Variants in GTF2F2 observed in about 807,000 individuals in gnomAD.
GTF2F2 encodes the protein ATP-dependent helicase GTF2F2.
A neutral mutation model predicts 42.2 loss-of-function variants in GTF2F2; 23 were observed. The ratio of observed to expected loss-of-function variants is 0.55; its 90% CI spans 0.39 to 0.77. The LOEUF is 0.77. Among genes scored for constraint, GTF2F2 ranks in the 30% least tolerant of loss-of-function variants. GTF2F2 has a pLI of 0.00. For missense variants in GTF2F2, 261 were observed against 287.2 expected (o/e 0.91, Z 0.66); for synonymous variants, 105 against 100.8 (o/e 1.04, Z -0.25).
chr13:45,205,252 G>A (rs1314745583), intron 4 of GTF2F2, among the ~76,000 whole-genome samples: 2 of 152,162 alleles, frequency 1.3e-5, no homozygotes, highest in Non-Finnish European at 2.9e-5. Context: ...AAAGCAAAGG[G>A]GAAGCAGGCA....
intron 2 of GTF2F2, among the ~76,000 whole-genome samples, chr13:45,144,574 T>A (rs1009408490): frequency 6.7e-6 from 1 of 150,216 alleles, no homozygotes; most frequent in African/African-American, 2.4e-5. Context: ...CCCGAGTAGC[T>A]GGGACTACAG....
At chr13:45,180,475 A>G (rs957606461) in intron 4 of GTF2F2, among the ~76,000 whole-genome samples, 84 of 152,176 alleles carry the variant, frequency 5.5e-4, no homozygotes, top group African/African-American at 2.0e-3. Context: ...ATCTTCCTCA[A>G]AGCAAAGTTT....
chr13:45,222,089 C>G (rs532282844), intron 5 of GTF2F2, among the ~76,000 whole-genome samples: 82 of 152,282 alleles, frequency 5.4e-4, no homozygotes, highest in African/African-American at 1.9e-3. Flanking sequence ...TGACATTACT[C>G]AGGTTTATTG....
At position 45,129,729 on chromosome 13, in the gene GTF2F2, ATACGTTCTAATTAGAT is replaced by A. The variant is rs147692616; in HGVS notation, c.67-6992_67-6977del. ...AAAATTACAATATCTGCCTATTCAG[ATACGTTCTAATTAGAT>A]TACGTTCTAATGAGGAGGGAGAATA... On this transcript the variant is annotated intron_variant, in intron 1 of 7. Coordinates refer to ENST00000340473, the MANE Select transcript of GTF2F2 (RefSeq NM_004128.3). Among the ~76,000 whole-genome samples, 543 of 152,348 alleles carry A rather than the reference ATACGTTCTAATTAGAT, an allele frequency of 3.6e-3. 1 individual carries two copies. Among genetic ancestry groups the A allele is most frequent in the African/African-American group, 0.012 (514 of 41,586 alleles).
intron 4 of GTF2F2, among the ~76,000 whole-genome samples, chr13:45,183,060 C>T (rs1367448170): frequency 2.0e-5 from 3 of 152,060 alleles, no homozygotes. Context: ...GGTTCATGTC[C>T]TTTGTCAAGT....
rs372901327 is a variant in GTF2F2, at chr13:45,228,283, C to CTTT, written c.386+20792_386+20794dup. 2.8e-4 allele frequency among the ~76,000 whole-genome samples: 26 copies of CTTT among 92,716 alleles called. 1 individual carries two copies. Among genetic ancestry groups the CTTT allele is most frequent in the Non-Finnish European group, 4.2e-4 (20 of 47,402 alleles). 60.8% of individuals were successfully genotyped at this position (92,716 alleles called of 152,430 possible). On this transcript the variant is annotated intron_variant, in intron 5 of 7. Transcript: ENST00000340473. ...TTTCCTTATTGCTGCCAGAGTTAAT[C>CTTT]TTTTTTTTTTTTTTTTGGAGACGGA...
intron 7 of GTF2F2, among the ~76,000 whole-genome samples, chr13:45,273,173 G>A (rs78397181): frequency 0.029 from 4,335 of 151,532 alleles, 191 homozygotes; most frequent in African/African-American, 0.093. Context: ...TGATCCACCC[G>A]CCTCTGCCTC....
At chr13:45,220,039 TTG>T (rs1874045027) in intron 5 of GTF2F2, among the ~76,000 whole-genome samples, 1 of 152,200 alleles carries the variant, frequency 6.6e-6, no homozygotes, top group Non-Finnish European at 1.5e-5. Flanking sequence ...AAGACCTTTT[TTG>T]TCTGATTCAT....
intron 7 of GTF2F2, among the ~76,000 whole-genome samples, chr13:45,270,146 T>C (rs570133828): frequency 6.6e-6 from 1 of 152,134 alleles, no homozygotes; most frequent in Non-Finnish European, 1.5e-5. Context: ...TTCATTTCTA[T>C]AAGTAAAATT....
chr13:45,168,297 T>C (rs976457989), intron 4 of GTF2F2, among the ~76,000 whole-genome samples: 1 of 152,230 alleles, frequency 6.6e-6, no homozygotes, highest in Non-Finnish European at 1.5e-5. Context: ...CTTTTACATC[T>C]CGGCACCTTT....
At chr13:45,228,090 G>T (rs894213260) in intron 5 of GTF2F2, among the ~76,000 whole-genome samples, 2 of 151,026 alleles carry the variant, frequency 1.3e-5, no homozygotes, top group Non-Finnish European at 2.9e-5. Context: ...CCTGACATTG[G>T]GCCAGACTTA....
At chr13:45,132,324 G>A (rs1229551805) in intron 1 of GTF2F2, among the ~76,000 whole-genome samples, 1 of 152,130 alleles carries the variant, frequency 6.6e-6, no homozygotes, top group Non-Finnish European at 1.5e-5. Context: ...TTTGACTGGG[G>A]AAATATTGTT....
intron 4 of GTF2F2, among the ~76,000 whole-genome samples, chr13:45,153,379 C>CT (rs1239811345): frequency 2.0e-5 from 3 of 151,734 alleles, no homozygotes; most frequent in East Asian, 1.9e-4. Flanking sequence ...AAAAATTATT[C>CT]TTTTTTTTCT....
intron 2 of GTF2F2, 128 bp downstream of exon 2, chr13:45,136,934 G>C (rs560783011): frequency 1.6e-6 from 1 of 633,102 alleles, no homozygotes; most frequent in Non-Finnish European, 2.8e-6. Flanking sequence ...GCATGTCAAG[G>C]CTTGTCAGGA....
At chr13:45,277,749 A>G (rs1470331043) in intron 7 of GTF2F2, among the ~76,000 whole-genome samples, 1 of 152,260 alleles carries the variant, frequency 6.6e-6, no homozygotes, top group Non-Finnish European at 1.5e-5. Flanking sequence ...AGATGAAATG[A>G]TACTTTGAAA....
intron 5 of GTF2F2, among the ~76,000 whole-genome samples, chr13:45,241,889 A>T (rs9534077): frequency 0.17 from 25,508 of 152,074 alleles, 2,571 homozygotes; most frequent in Non-Finnish European, 0.23. Flanking sequence ...TGAAGCTTAC[A>T]GATAATTAAT....
intron 4 of GTF2F2, among the ~76,000 whole-genome samples, chr13:45,199,331 C>T (rs1316898614): frequency 1.3e-5 from 2 of 152,226 alleles, no homozygotes; most frequent in Non-Finnish European, 2.9e-5. Flanking sequence ...AGACAACAGA[C>T]TAGCTCAGAA....
At chr13:45,236,937 A>G (rs1390074911) in intron 5 of GTF2F2, among the ~76,000 whole-genome samples, 4 of 152,180 alleles carry the variant, frequency 2.6e-5, no homozygotes, top group Non-Finnish European at 2.9e-5. Flanking sequence ...AGACTAGTTA[A>G]AAAAATGGTT....
intron 4 of GTF2F2, among the ~76,000 whole-genome samples, chr13:45,181,097 G>T (rs961830203): frequency 6.6e-6 from 1 of 151,630 alleles, no homozygotes; most frequent in Non-Finnish European, 1.5e-5. Flanking sequence ...AACCCAGGAG[G>T]TGGAGGTTGC....
Sources: gnomAD v4.1 joint callset for allele counts (sites outside exome capture counted in the v4.1 genomes callset) on GRCh38, gnomAD v4.1.1 for gene constraint, MANE v1.5 for transcripts, NCBI Gene and HGNC (gene_info 2026-07-23, HGNC 2026-07-21) for gene names.